The following SLC38A7 variants were observed in gnomAD, a reference collection of about 807,000 sequenced individuals.
SLC38A7 encodes the protein sodium-coupled neutral amino acid transporter 7.
SLC38A7 carries 29 observed loss-of-function variants against 50.1 expected under a neutral mutation model. That is an observed-to-expected ratio of 0.58 (90% CI 0.43 to 0.79). The LOEUF (loss-of-function observed/expected upper bound fraction) is 0.79, where lower values mean the gene tolerates loss of function less well. SLC38A7 is among the 30% of genes least tolerant of loss of function. The pLI, the probability that SLC38A7 is intolerant of heterozygous loss-of-function variation, is 0.00. For missense variants in SLC38A7, 483 were observed against 610.6 expected (o/e 0.79, Z 2.20); for synonymous variants, 244 against 245.9 (o/e 0.99, Z 0.07).
Position 58,678,398 on chromosome 16 carries a change from G to A in SLC38A7, c.546C>T (p.Leu182=), listed in dbSNP as rs1368400842. Reference sequence around the variant, plus strand: ...GGGGCAGGATGAAGAGGAAGGCAGTGAGGCTGATGGTGAACTTGCGGTCTG... The same window carrying A: ...GGGGCAGGATGAAGAGGAAGGCAGTAAGGCTGATGGTGAACTTGCGGTCTG... ...WYTDRKFTIS[L]TAFLFILPLS... is the part of the protein sequence containing the mutation. The change falls in exon 5 of 12, where the codon CTC becomes CTT. Residue 182 remains leucine (L), a synonymous_variant. Transcript: ENST00000219320. This position sits in a 1 kb window ranked among gnomAD's most constrained non-coding sequence, Gnocchi z 4.0. 1.9e-6 allele frequency: 3 copies of A among 1,600,306 alleles called. No individual in the cohort carries two copies. In the African/African-American group the frequency reaches 4.0e-5, roughly 22 times the overall value.
rs187639156 is a variant in SLC38A7, at chr16:58,674,921, C to T, written c.883+1019G>A. Among the ~76,000 whole-genome samples, 701 of 152,268 alleles carry T rather than the reference C, an allele frequency of 4.6e-3. 7 individuals carry two copies. Among genetic ancestry groups the T allele is most frequent in the African/African-American group, 0.016 (649 of 41,542 alleles). ...AGCCACCTTTCCCCGAACCACCCCC[C>T]TGCTTAAAACACTTCCTCGATGACT... On this transcript the variant is annotated intron_variant, in intron 8 of 11. Transcript: ENST00000219320.
rs1332247556 is a variant in SLC38A7, at chr16:58,665,449, GAGA to G, written c.*1933_*1935del. On this transcript the variant is annotated 3_prime_UTR_variant, in exon 12 of 12. Coordinates refer to ENST00000219320, the MANE Select transcript of SLC38A7 (RefSeq NM_018231.3). ...CACAGTGGGTCTGGCCCCGGGGGCA[GAGA>G]AGATCAGGCACCAAGAGGGGATGTG... 6.6e-6 allele frequency: 1 copy of G among 152,446 alleles called. No homozygotes were observed. The highest frequency in any genetic ancestry group is 1.5e-5 in the Non-Finnish European group (1 of 68,308). 9.4% of individuals were successfully genotyped at this position (152,446 alleles called of 1,614,324 possible). A position where few individuals can be genotyped will look rare whatever the true frequency, so the allele number is the denominator to read the frequency against.
intron 8 of SLC38A7, among the ~76,000 whole-genome samples, chr16:58,674,859 G>T (rs1051209493): frequency 6.6e-6 from 1 of 151,956 alleles, no homozygotes; most frequent in African/African-American, 2.4e-5. Flanking sequence ...TCCTAGACTT[G>T]CTCCCTCACC....
chr16:58,675,662 G>A (rs540186235), intron 8 of SLC38A7, among the ~76,000 whole-genome samples: 1 of 152,280 alleles, frequency 6.6e-6, no homozygotes, highest in African/African-American at 2.4e-5. Context: ...CTCCATGAGG[G>A]CAAGACCAGT....
chr16:58,673,714 G>T (rs2044205354), intron 8 of SLC38A7, among the ~76,000 whole-genome samples: 1 of 149,910 alleles, frequency 6.7e-6, no homozygotes. Flanking sequence ...ACTCAGGCTG[G>T]AGTGAAGTGG....
rs779902963 is a variant in SLC38A7, at chr16:58,675,960, A to G, written c.863T>C (p.Leu288Pro). 6.2e-7 allele frequency: 1 copy of G among 1,612,806 alleles called. No homozygotes were observed. Among genetic ancestry groups the G allele is most frequent in the South Asian group, 1.1e-5 (1 of 90,824 alleles). Reference sequence around the variant, plus strand: ...CTCACCTGTCCCCATGTAGACAGCGAGGGCTATGACCATGGCAGCTGTCAC... The same window carrying G: ...CTCACCTGTCCCCATGTAGACAGCGGGGGCTATGACCATGGCAGCTGTCAC... ...GVVTAAMVIALAVYMGTGICG... is the reference protein window; with the variant it reads ...GVVTAAMVIAPAVYMGTGICG... Residue 288 changes from leucine to proline, a missense_variant, in exon 8 of 12, where the codon CTC (leucine) becomes CCC (proline). Transcript: ENST00000219320.
At chr16:58,676,091 G>T in intron 7 of SLC38A7, 37 bp from the exon 8 acceptor site, 1 of 1,599,266 alleles carries the variant, frequency 6.3e-7, no homozygotes, top group Non-Finnish European at 8.6e-7. Flanking sequence ...GTGGGGAAAT[G>T]ACCTCAACCC....
At chr16:58,674,288 T>G (rs1404328511) in intron 8 of SLC38A7, among the ~76,000 whole-genome samples, 1 of 152,112 alleles carries the variant, frequency 6.6e-6, no homozygotes, top group Non-Finnish European at 1.5e-5. Context: ...CATTTCTCTC[T>G]TTTTTAGAGA....
intron 3 of SLC38A7, among the ~76,000 whole-genome samples, chr16:58,679,197 GC>G (rs2044333259): frequency 6.6e-6 from 1 of 152,096 alleles, no homozygotes; most frequent in African/African-American, 2.4e-5. Flanking sequence ...TTTGAGACCA[GC>G]CTGGCCAACA....
rs112347820 is a variant in SLC38A7, at chr16:58,676,720, C to T, written c.711-374G>A. ...AGGCTGGAGTGCAGTGGCGCGATCT[C>T]GGCTCACTGCAACTTCTGCCTCCCA... On this transcript the variant is annotated intron_variant, in intron 6 of 11. Coordinates refer to ENST00000219320, the MANE Select transcript of SLC38A7 (RefSeq NM_018231.3). Among the ~76,000 whole-genome samples, 1,185 of 152,228 alleles carry T rather than the reference C, an allele frequency of 7.8e-3. 20 individuals are homozygous for T. The highest frequency in any genetic ancestry group is 0.026 in the African/African-American group (1,084 of 41,548).
At chr16:58,675,342 G>C in intron 8 of SLC38A7, 1 of 390,220 alleles carries the variant, frequency 2.6e-6, no homozygotes, top group Admixed American at 3.0e-5. Flanking sequence ...CCTTGTCTCT[G>C]CTAGAAAAAA....
intron 3 of SLC38A7, chr16:58,679,636 A>T (rs1277355440): frequency 1.7e-6 from 1 of 575,222 alleles, no homozygotes; most frequent in Admixed American, 3.4e-5. Flanking sequence ...AAAATTAGAG[A>T]TGTAATTGAT....
At position 58,676,917 on chromosome 16, in the gene SLC38A7, G is replaced by A. The variant is rs2044279407; in HGVS notation, c.710+409C>T. 2.0e-5 allele frequency among the ~76,000 whole-genome samples: 3 copies of A among 151,874 alleles called. No homozygotes were observed. In the South Asian group the frequency reaches 6.2e-4, roughly 31 times the overall value. On this transcript the variant is annotated intron_variant, in intron 6 of 11. Coordinates refer to ENST00000219320, the MANE Select transcript of SLC38A7 (RefSeq NM_018231.3). The stretch of plus-strand genomic sequence containing the variant: ...GATCCGCCCGCCTCGGCCTCCCAAT[G>A]TGCTGGGATTACAGGCGTGAGCCAT...
At chr16:58,672,060 G>A in intron 9 of SLC38A7, 36 bp downstream of exon 9, 8 of 1,536,724 alleles carry the variant, frequency 5.2e-6, no homozygotes, top group Non-Finnish European at 7.0e-6. Context: ...GCTCACAGGG[G>A]CTAGGAGGGG....
chr16:58,678,416 G>T lies in SLC38A7; in HGVS notation c.528C>A (p.Arg176=), dbSNP rs761716978. ...EGASGPWYTD[R]KFTISLTAFL... is the part of the protein sequence containing the mutation. ...AGGCAGTGAGGCTGATGGTGAACTT[G>T]CGGTCTGTGTACCAAGGGCCGCTGG... The change falls in exon 5 of 12, where the codon CGC becomes CGA. Residue 176 remains arginine, a synonymous_variant. Coordinates refer to ENST00000219320, the MANE Select transcript of SLC38A7 (RefSeq NM_018231.3). The surrounding 1 kb of genome is among the most constrained non-coding windows in gnomAD (Gnocchi z 4.0). 1.9e-6 allele frequency: 3 copies of T among 1,600,572 alleles called. No homozygotes were observed. In the Admixed American group the frequency reaches 5.2e-5, roughly 28 times the overall value.
Position 58,671,254 on chromosome 16 carries a change from T to C in SLC38A7, c.1032-10A>G, listed in dbSNP as rs746427920. ...GCCTTCCACCACCGCCCTGCCCACA[T>C]GGAGAAGGGCTTAGAGGTGCCCCTG... On this transcript the variant is annotated splice_polypyrimidine_tract_variant and intron_variant, in intron 9 of 11. Coordinates refer to ENST00000219320, the MANE Select transcript of SLC38A7 (RefSeq NM_018231.3). 6.2e-7 allele frequency: 1 copy of C among 1,612,814 alleles called. No homozygotes were observed. The highest frequency in any genetic ancestry group is 8.5e-7 in the Non-Finnish European group (1 of 1,179,494).
At chr16:58,670,092 A>G (rs968806686) in intron 11 of SLC38A7, 21 bp downstream of exon 11, 1 of 1,613,482 alleles carries the variant, frequency 6.2e-7, no homozygotes, top group Admixed American at 1.7e-5. Flanking sequence ...TGAGAGGATC[A>G]AGGGCTGGGT....
In SLC38A7 at chr16:58,670,245, A is replaced by G. The variant is rs1567469458; in HGVS notation, c.1232-78T>C. 4 of 1,415,648 alleles carry G rather than the reference A, an allele frequency of 2.8e-6. No homozygotes were observed. The East Asian group carries it at 6.9e-5, about 24-fold the overall frequency. 87.7% of individuals were successfully genotyped at this position (1,415,648 alleles called of 1,614,324 possible). A position where few individuals can be genotyped will look rare whatever the true frequency, so the allele number is the denominator to read the frequency against. On this transcript the variant is annotated intron_variant, in intron 10 of 11. Coordinates refer to ENST00000219320, the MANE Select transcript of SLC38A7 (RefSeq NM_018231.3). ...CTCCTAGCCACCTCCTTTCCCAAGA[A>G]GCAGTGCTGGATGGAGAAAGGCCCA...
Position 58,684,176 on chromosome 16 carries a change from G to C in SLC38A7, c.-337C>G, listed in dbSNP as rs1359374609. 6.6e-6 allele frequency: 1 copy of C among 152,474 alleles called. No homozygotes were observed. Among genetic ancestry groups the C allele is most frequent in the African/African-American group, 2.4e-5 (1 of 41,474 alleles). 9.4% of individuals were successfully genotyped at this position (152,474 alleles called of 1,614,324 possible). On this transcript the variant is annotated splice_region_variant and 5_prime_UTR_variant, in exon 2 of 12. Transcript: ENST00000219320. ...GGCTCTCACGCTTACTCATGAAATGGAGCTTCAGGACAGATAGGAAAACAG... is the reference window on the plus strand; with the variant it reads ...GGCTCTCACGCTTACTCATGAAATGCAGCTTCAGGACAGATAGGAAAACAG...
Sources: gnomAD v4.1 joint callset for allele counts (sites outside exome capture counted in the v4.1 genomes callset) on GRCh38, gnomAD v4.1.1 for gene constraint, Gnocchi (gnomAD v3.1) non-coding constraint, MANE v1.5 for transcripts, NCBI Gene and HGNC (gene_info 2026-07-23, HGNC 2026-07-21) for gene names.